The following EPB41L5 variants were observed in gnomAD, a reference collection of about 807,000 sequenced individuals.
The protein encoded by EPB41L5 is erythrocyte membrane protein band 4.1 like 5, also known as band 4.1-like protein 5.
A neutral mutation model predicts 106.6 loss-of-function variants in EPB41L5; 55 were observed. That is an observed-to-expected ratio of 0.52 (90% CI 0.42 to 0.65). The LOEUF (loss-of-function observed/expected upper bound fraction) is 0.65. EPB41L5 is among the 30% of genes least tolerant of loss of function. The probability of loss-of-function intolerance (pLI) is 0.00; values close to 1 mark genes in which losing one functional copy is unlikely to be tolerated. For synonymous variants in EPB41L5, 297 were observed against 306.7 expected (o/e 0.97, Z 0.33); for missense variants, 871 against 882.1 (o/e 0.99, Z 0.16).
At chr2:120,019,827 A>G (rs1377636383) in intron 2 of EPB41L5, among the ~76,000 whole-genome samples, 1 of 152,074 alleles carries the variant, frequency 6.6e-6, no homozygotes, top group Non-Finnish European at 1.5e-5. Flanking sequence ...TTTGCTCCTG[A>G]AGTATTTTGC....
At chr2:120,105,827 A>C (rs2105412996) in intron 16 of EPB41L5, 1 of 985,296 alleles carries the variant, frequency 1.0e-6, no homozygotes, top group South Asian at 4.7e-5. Context: ...TTTTTCTTAA[A>C]AGAGAGGAAT....
rs1017602901 is a variant in EPB41L5, at chr2:120,013,113, G to C, written c.-106G>C. 1 of 152,230 alleles carries C rather than the reference G, an allele frequency of 6.6e-6. No individual in the cohort carries two copies. The highest frequency in any genetic ancestry group is 2.4e-5 in the African/African-American group (1 of 41,454). 9.4% of individuals were successfully genotyped at this position (152,230 alleles called of 1,614,324 possible). On this transcript the variant is annotated 5_prime_UTR_variant, in exon 1 of 25. Transcript: ENST00000263713. ...ATTAGAGCCGGTGGGCTCGTTGTGG[G>C]CGCCATTTCTCGGCGTCTACCGAGG...
At chr2:120,093,625 G>T (rs1683556577) in intron 14 of EPB41L5, among the ~76,000 whole-genome samples, 1 of 152,158 alleles carries the variant, frequency 6.6e-6, no homozygotes, top group South Asian at 2.1e-4. Context: ...TTTCTTCCTG[G>T]GATAAATCCC....
At position 120,177,685 on chromosome 2, in the gene EPB41L5, A is replaced by G. The variant is rs1254489617; in HGVS notation, c.*2778A>G. 1 of 152,196 alleles carries G rather than the reference A, an allele frequency of 6.6e-6. No homozygotes were observed. The highest frequency in any genetic ancestry group is 2.4e-5 in the African/African-American group (1 of 41,454). 9.4% of individuals were successfully genotyped at this position (152,196 alleles called of 1,614,324 possible). ...GGAGACACTGCTGAACAGAGGAATG[A>G]TTCTGTTCCTTGTGTGCTTACTTCC... On this transcript the variant is annotated 3_prime_UTR_variant, in exon 25 of 25. Transcript: ENST00000263713.
At chr2:120,098,196 G>GTGTGTGTGTGTGTGTGTGTGTGTGTGT (rs1574660680) in intron 14 of EPB41L5, among the ~76,000 whole-genome samples, 1 of 151,168 alleles carries the variant, frequency 6.6e-6, no homozygotes, top group Non-Finnish European at 1.5e-5. Flanking sequence ...GTGTTTTGGT[G>GTGTGTGTGTGTGTGTGTGTGTGTGTGT]GGGTGGGGTT....
At position 120,075,463 on chromosome 2, in the gene EPB41L5, T is replaced by C. The variant is rs1233159712; in HGVS notation, c.408-13T>C. ...TGCTGTTGGGTTAAATTTGTGCCTTTCATTTTTCTTAGGTATTTATTTGTT... is the reference window on the plus strand; with the variant it reads ...TGCTGTTGGGTTAAATTTGTGCCTTCCATTTTTCTTAGGTATTTATTTGTT... On this transcript the variant is annotated splice_polypyrimidine_tract_variant and intron_variant, in intron 5 of 24. Coordinates refer to ENST00000263713, the MANE Select transcript of EPB41L5 (RefSeq NM_020909.4). The C allele has an allele frequency of 1.3e-6, 2 of 1,570,432 alleles. No individual in the cohort carries two copies. Among genetic ancestry groups the C allele is most frequent in the Non-Finnish European group, 1.8e-6 (2 of 1,142,526 alleles).
At chr2:120,028,490 C>T (rs747563830) in intron 2 of EPB41L5, among the ~76,000 whole-genome samples, 56 of 152,190 alleles carry the variant, frequency 3.7e-4, no homozygotes, top group Non-Finnish European at 7.4e-4. Context: ...GGACTATGAT[C>T]ATCCCACTGC....
At chr2:120,090,750 T>A (rs905279716) in intron 12 of EPB41L5, among the ~76,000 whole-genome samples, 1 of 152,208 alleles carries the variant, frequency 6.6e-6, no homozygotes, top group African/African-American at 2.4e-5. Context: ...CTCTGGATGT[T>A]TACTTTATAT....
chr2:120,111,639 G>A (rs557306116), intron 16 of EPB41L5, among the ~76,000 whole-genome samples: 1 of 152,160 alleles, frequency 6.6e-6, no homozygotes, highest in South Asian at 2.1e-4. Flanking sequence ...TCTACTGCTT[G>A]TTACCATCTT....
intron 16 of EPB41L5, among the ~76,000 whole-genome samples, chr2:120,109,232 G>T (rs746227039): frequency 6.0e-4 from 91 of 152,104 alleles, no homozygotes; most frequent in Non-Finnish European, 8.4e-4. Flanking sequence ...CAAAATTTTT[G>T]AGTGGTCTTT....
At chr2:120,155,120 C>T (rs568774112) in intron 20 of EPB41L5, among the ~76,000 whole-genome samples, 33 of 152,222 alleles carry the variant, frequency 2.2e-4, no homozygotes, top group African/African-American at 5.1e-4. Flanking sequence ...TATATGGTTT[C>T]GAGTTACTGG....
In EPB41L5 at chr2:120,136,779, C is replaced by T. The variant is rs76775481; in HGVS notation, c.1599+5064C>T. 2.1e-3 allele frequency among the ~76,000 whole-genome samples: 320 copies of T among 152,128 alleles called. 14 individuals are homozygous for T. The East Asian group carries it at 0.041, about 20-fold the overall frequency. On this transcript the variant is annotated intron_variant, in intron 18 of 24. Coordinates refer to ENST00000263713, the MANE Select transcript of EPB41L5 (RefSeq NM_020909.4). Reference sequence around the variant, plus strand: ...ATATTATCAGAGCTACAGAGAGATACACCTCGGTACAATTCTAGCTGGAGA... The same window carrying T: ...ATATTATCAGAGCTACAGAGAGATATACCTCGGTACAATTCTAGCTGGAGA...
At chr2:120,102,251 G>A (rs1684185889) in intron 16 of EPB41L5, among the ~76,000 whole-genome samples, 1 of 152,102 alleles carries the variant, frequency 6.6e-6, no homozygotes, top group Non-Finnish European at 1.5e-5. Context: ...GATTTGTTAG[G>A]TACTACTTGG....
intron 3 of EPB41L5, among the ~76,000 whole-genome samples, chr2:120,048,071 T>C (rs1679936014): frequency 6.6e-6 from 1 of 152,012 alleles, no homozygotes; most frequent in Non-Finnish European, 1.5e-5. Flanking sequence ...GCCAGTATTT[T>C]ATTGAGGAGT....
intron 3 of EPB41L5, among the ~76,000 whole-genome samples, chr2:120,063,241 C>T (rs1466938870): frequency 6.6e-6 from 1 of 150,612 alleles, no homozygotes; most frequent in Non-Finnish European, 1.5e-5. Context: ...ACTTGAGAGG[C>T]TGAGACTTGA....
At chr2:120,147,579 C>T (rs938488296) in intron 20 of EPB41L5, among the ~76,000 whole-genome samples, 2 of 139,570 alleles carry the variant, frequency 1.4e-5, no homozygotes, top group Admixed American at 7.9e-5. Context: ...GAGCCGTGAT[C>T]GTGCCACTGC....
At position 120,037,360 on chromosome 2, in the gene EPB41L5, A is replaced by G. The variant is rs560033271; in HGVS notation, c.181-4646A>G. On this transcript the variant is annotated intron_variant, in intron 2 of 24. Transcript: ENST00000263713. ...CAAAGTGATCCATAGATTAAATGCA[A>G]TTCCTATCAAAATCCAAACGATGTT... Among the ~76,000 whole-genome samples the G allele has an allele frequency of 9.2e-5, 14 of 152,326 alleles. 1 individual carries two copies. The highest frequency in any genetic ancestry group is 2.6e-4 in the African/African-American group (11 of 41,568).
chr2:120,100,052 G>C (rs1025964473), intron 14 of EPB41L5, among the ~76,000 whole-genome samples, 192 bp from the exon 15 acceptor site: 3 of 152,156 alleles, frequency 2.0e-5, no homozygotes, highest in African/African-American at 7.2e-5. Flanking sequence ...GCAAGTATTT[G>C]CCTATAAGAA....
chr2:120,027,391 A>T (rs569278263), intron 2 of EPB41L5, among the ~76,000 whole-genome samples: 1 of 152,218 alleles, frequency 6.6e-6, no homozygotes, highest in Non-Finnish European at 1.5e-5. Flanking sequence ...TAAAACGTAG[A>T]TGAATTTTGA....
Sources: allele counts gnomAD v4.1 joint callset (sites outside exome capture counted in the v4.1 genomes callset), GRCh38; gene constraint gnomAD v4.1.1; transcripts MANE v1.5; gene names NCBI Gene and HGNC (gene_info 2026-07-23, HGNC 2026-07-21).